The following PCDHGA9 variants were observed in gnomAD, a reference collection of about 807,000 sequenced individuals.
The protein encoded by PCDHGA9 is protocadherin gamma-A9.
In PCDHGA9, 37 loss-of-function variants were observed where a neutral mutation model predicts 62.5. The observed-to-expected ratio is 0.59, with a 90% CI of 0.46 to 0.78. PCDHGA9 has a LOEUF of 0.78. Among genes scored for constraint, PCDHGA9 ranks in the 30% least tolerant of loss-of-function variants. The pLI, the probability that PCDHGA9 is intolerant of heterozygous loss-of-function variation, is 0.00. For synonymous variants in PCDHGA9, 459 were observed against 484.6 expected, an observed-to-expected ratio of 0.95 and a Z score of 0.69; for missense variants, 1,138 against 1,166.2, an observed-to-expected ratio of 0.98 and a Z score of 0.35.
chr5:141,439,889 C>T (rs997306014), intron 1 of PCDHGA9: 1 of 152,348 alleles, frequency 6.6e-6, no homozygotes, highest in Admixed American at 6.5e-5. Context: ...CTGGGTAGAA[C>T]CAAGGCGACT....
chr5:141,430,796 C>A, intron 1 of PCDHGA9: 1 of 1,522,232 alleles, frequency 6.6e-7, no homozygotes, highest in Middle Eastern at 1.8e-4. Context: ...CTACAAAGGG[C>A]TTGTCCTGCT....
At chr5:141,463,629 GTT>G (rs923584581) in intron 1 of PCDHGA9, among the ~76,000 whole-genome samples, 5 of 151,314 alleles carry the variant, frequency 3.3e-5, no homozygotes, top group Middle Eastern at 3.4e-3. Flanking sequence ...TTTGTATTTT[GTT>G]TAGTAGAGAC....
rs1259021130 is a variant in PCDHGA9 at position 141,485,083 on chromosome 5, G to C, written c.2425-9724G>C. ...GCGCCAGAGCTGGCGCGGGGAAAGG[G>C]AGATAGGTGTCTCCAGCTGCTGTGG... On this transcript the variant is annotated intron_variant, in intron 1 of 3. Coordinates refer to ENST00000573521, the MANE Select transcript of PCDHGA9 (RefSeq NM_018921.3). The surrounding 1 kb of genome is among the most constrained non-coding windows in gnomAD (Gnocchi z 5.7). The C allele has an allele frequency of 1.0e-6, 1 of 989,386 alleles. No homozygotes were observed. The highest frequency in any genetic ancestry group is 1.6e-5 in the African/African-American group (1 of 61,992). 61.3% of individuals were successfully genotyped at this position (989,386 alleles called of 1,614,324 possible).
Position 141,485,966 on chromosome 5 carries a change from A to T in PCDHGA9, c.2425-8841A>T. ...AGCGGGCATGGTGCTCATCCAGCTC[A>T]ATGCCTCAGACCCGGACCTGGGTCC... On this transcript the variant is annotated intron_variant, in intron 1 of 3. Coordinates refer to ENST00000573521, the MANE Select transcript of PCDHGA9 (RefSeq NM_018921.3). The surrounding 1 kb of genome is among the most constrained non-coding windows in gnomAD (Gnocchi z 5.7). 1 of 1,614,168 alleles carries T rather than the reference A, an allele frequency of 6.2e-7. No individual in the cohort carries two copies. Among genetic ancestry groups the T allele is most frequent in the Non-Finnish European group, 8.5e-7 (1 of 1,179,988 alleles).
intron 1 of PCDHGA9, chr5:141,408,016 A>G (rs991619128): frequency 9.9e-7 from 1 of 1,014,516 alleles, no homozygotes; most frequent in Admixed American, 3.2e-5. Flanking sequence ...TGCGCAGCCA[A>G]CAACAGAAAG....
At chr5:141,408,884 A>G (rs755835568) in intron 1 of PCDHGA9, 2 of 1,613,384 alleles carry the variant, frequency 1.2e-6, no homozygotes, top group Non-Finnish European at 1.7e-6. Context: ...CACCGCTCAC[A>G]TAGAAATTTC....
chr5:141,403,632 G>A lies in PCDHGA9; in HGVS notation c.680G>A (p.Arg227His), dbSNP rs759489331. Residue 227 changes from arginine to histidine, a missense_variant, in exon 1 of 4, where the codon CGC becomes CAC. Transcript: ENST00000573521. ...GAGCCGCGTCGCTCCAGCACAGTGC[G>A]CATCCATGTGACAGTGTTGGATACA... ...GGEPRRSSTV[R>H]IHVTVLDTND... is the part of the protein sequence containing the mutation. The A allele has an allele frequency of 1.2e-6, 2 of 1,613,916 alleles. No individual in the cohort carries two copies. The highest frequency in any genetic ancestry group is 1.7e-5 in the Admixed American group (1 of 60,026).
At position 141,490,357 on chromosome 5, in the gene PCDHGA9, A is replaced by G; in HGVS notation, c.2425-4450A>G. ...AGTGGGCACAGTAGTGGGGTTGTTT[A>G]ATGTGCGAGACCGGGACTCAGGTAG... On this transcript the variant is annotated intron_variant, in intron 1 of 3. Transcript: ENST00000573521. This position sits in a 1 kb window ranked among gnomAD's most constrained non-coding sequence, Gnocchi z 5.4. The G allele has an allele frequency of 6.2e-7, 1 of 1,614,178 alleles. No individual in the cohort carries two copies. The highest frequency in any genetic ancestry group is 8.5e-7 in the Non-Finnish European group (1 of 1,180,030).
In PCDHGA9 at chr5:141,432,688, A is replaced by T; in HGVS notation, c.2424+27312A>T. 1 of 1,613,896 alleles carries T rather than the reference A, an allele frequency of 6.2e-7. No homozygotes were observed. The highest frequency in any genetic ancestry group is 1.1e-5 in the South Asian group (1 of 91,078). ...GAGACGCGCTCAAGCAGAGCCTCGTAGTGGCCGTCCAGGACCACGGCCAGC... is the reference window on the plus strand; with the variant it reads ...GAGACGCGCTCAAGCAGAGCCTCGTTGTGGCCGTCCAGGACCACGGCCAGC... On this transcript the variant is annotated intron_variant, in intron 1 of 3. Transcript: ENST00000573521. This position sits in a 1 kb window ranked among gnomAD's most constrained non-coding sequence, Gnocchi z 6.0.
At chr5:141,472,000 C>T (rs935165645) in intron 1 of PCDHGA9, among the ~76,000 whole-genome samples, 3 of 151,852 alleles carry the variant, frequency 2.0e-5, no homozygotes, top group African/African-American at 4.8e-5. Flanking sequence ...ATCCCTGCAT[C>T]GTATAGGGGC....
Position 141,431,241 on chromosome 5 carries a change from A to T in PCDHGA9, c.2424+25865A>T. On this transcript the variant is annotated intron_variant, in intron 1 of 3. Coordinates refer to ENST00000573521, the MANE Select transcript of PCDHGA9 (RefSeq NM_018921.3). This position sits in a 1 kb window ranked among gnomAD's most constrained non-coding sequence, Gnocchi z 4.8. ...CCTCTACCCCACGCCTGGGATCCGG[A>T]TATCGGGAAGAACTCTCTGCAGAGC... The T allele has an allele frequency of 6.2e-7, 1 of 1,614,138 alleles. No individual in the cohort carries two copies. The highest frequency in any genetic ancestry group is 8.5e-7 in the Non-Finnish European group (1 of 1,180,046).
chr5:141,490,804 T>C lies in PCDHGA9; in HGVS notation c.2425-4003T>C. On this transcript the variant is annotated intron_variant, in intron 1 of 3. Coordinates refer to ENST00000573521, the MANE Select transcript of PCDHGA9 (RefSeq NM_018921.3). This position sits in a 1 kb window ranked among gnomAD's most constrained non-coding sequence, Gnocchi z 5.4. The stretch of plus-strand genomic sequence containing the variant: ...TGGACGGATCTTTGCCCAGCGTACC[T>C]TTGACTATGAATTGCTGCAGATGCT... 2 of 1,613,854 alleles carry C rather than the reference T, an allele frequency of 1.2e-6. No homozygotes were observed. Among genetic ancestry groups the C allele is most frequent in the Non-Finnish European group, 1.7e-6 (2 of 1,179,816 alleles).
intron 1 of PCDHGA9, chr5:141,421,414 C>G: frequency 6.2e-7 from 1 of 1,614,066 alleles, no homozygotes; most frequent in Non-Finnish European, 8.5e-7. Flanking sequence ...GCTGGCGAAG[C>G]GCGGAGTCCG....
chr5:141,413,668 G>T lies in PCDHGA9; in HGVS notation c.2424+8292G>T, dbSNP rs1286766786. ...TCCTCTCCCGGAAGCTATTGATCCG[G>T]ATGTGGGCGTGAACTCCCTGCAGAG... is the stretch of plus-strand genomic sequence containing the variant. On this transcript the variant is annotated intron_variant, in intron 1 of 3. Transcript: ENST00000573521. 6 of 1,613,754 alleles carry T rather than the reference G, an allele frequency of 3.7e-6. No homozygotes were observed. The Admixed American group carries it at 8.3e-5, about 22-fold the overall frequency.
In PCDHGA9 at chr5:141,431,265, G is replaced by T; in HGVS notation, c.2424+25889G>T. On this transcript the variant is annotated intron_variant, in intron 1 of 3. Transcript: ENST00000573521. The surrounding 1 kb of genome is among the most constrained non-coding windows in gnomAD (Gnocchi z 4.8). ...GATATCGGGAAGAACTCTCTGCAGAGCTACGAGCTCAGCCCGAACACTCAC... is the reference window on the plus strand; with the variant it reads ...GATATCGGGAAGAACTCTCTGCAGATCTACGAGCTCAGCCCGAACACTCAC... 1 of 1,614,168 alleles carries T rather than the reference G, an allele frequency of 6.2e-7. No homozygotes were observed. The highest frequency in any genetic ancestry group is 8.5e-7 in the Non-Finnish European group (1 of 1,180,054).
At chr5:141,480,927 C>T (rs1562083028) in intron 1 of PCDHGA9, among the ~76,000 whole-genome samples, 1 of 152,090 alleles carries the variant, frequency 6.6e-6, no homozygotes, top group Non-Finnish European at 1.5e-5. Context: ...TACCTGTAGT[C>T]CCAGCTACTC....
At chr5:141,418,583 T>A (rs1242446631) in intron 1 of PCDHGA9, 1 of 1,613,862 alleles carries the variant, frequency 6.2e-7, no homozygotes, top group Non-Finnish European at 8.5e-7. Flanking sequence ...CCCCCCAGTG[T>A]TCAGCCAGGA....
intron 1 of PCDHGA9, among the ~76,000 whole-genome samples, chr5:141,443,727 A>T: frequency 6.6e-6 from 1 of 152,220 alleles, no homozygotes; most frequent in Non-Finnish European, 1.5e-5. Context: ...AATTCCTCAT[A>T]CATTTCCCTA....
At chr5:141,451,779 G>T (rs1284464259) in intron 1 of PCDHGA9, among the ~76,000 whole-genome samples, 1 of 152,070 alleles carries the variant, frequency 6.6e-6, no homozygotes, top group Non-Finnish European at 1.5e-5. Flanking sequence ...TACTCAGGAG[G>T]CTGAGGCCAG....
Sources: gnomAD v4.1 joint callset for allele counts (sites outside exome capture counted in the v4.1 genomes callset) on GRCh38, gnomAD v4.1.1 for gene constraint, Gnocchi (gnomAD v3.1) non-coding constraint, MANE v1.5 for transcripts, NCBI Gene and HGNC (gene_info 2026-07-23, HGNC 2026-07-21) for gene names.